Variants in ARID5B observed in about 807,000 individuals in gnomAD.
The protein encoded by ARID5B is AT-rich interaction domain 5B.
In ARID5B, 13 loss-of-function variants were observed where a neutral mutation model predicts 97.2. The observed-to-expected ratio is 0.13, with a 90% CI of 0.09 to 0.21. The LOEUF (loss-of-function observed/expected upper bound fraction) is 0.21, where lower values mean the gene tolerates loss of function less well. ARID5B is among the 10% of genes least tolerant of loss of function. The pLI is 1.00. For synonymous variants in ARID5B, 556 were observed against 570.3 expected (o/e 0.97, Z 0.36); for missense variants, 1,210 against 1,465.3 (o/e 0.83, Z 2.84).
chr10:61,974,196 C>A (rs1448615694), intron 3 of ARID5B, among the ~76,000 whole-genome samples: 2 of 152,188 alleles, frequency 1.3e-5, no homozygotes, highest in Admixed American at 1.3e-4. Flanking sequence ...TTCCGCAAGA[C>A]AATGAGCATT....
At chr10:61,968,708 A>C (rs1199540750) in intron 3 of ARID5B, among the ~76,000 whole-genome samples, 1 of 152,152 alleles carries the variant, frequency 6.6e-6, no homozygotes, top group African/African-American at 2.4e-5. Context: ...AAATATGTGG[A>C]TAGGTTTGCT....
In ARID5B at chr10:62,091,985, A is replaced by G. The variant is rs1447253513; in HGVS notation, c.2522A>G (p.Tyr841Cys). 1.9e-6 allele frequency: 3 copies of G among 1,613,976 alleles called. No individual in the cohort carries two copies. The highest frequency in any genetic ancestry group is 1.6e-4 in the Middle Eastern group (1 of 6,062). The change falls in exon 10 of 10, where the codon TAC becomes TGC. Residue 841 changes from tyrosine (Y) to cysteine (C), a missense_variant. Physicochemically the swap from Tyr to Cys is radical, Grantham distance 194 (BLOSUM62 -2). Coordinates refer to ENST00000279873, the MANE Select transcript of ARID5B (RefSeq NM_032199.3). ...TCGTCCCCTCATCTCCATAGCCTCTACAGACACACCGAGCACCATCTTCAT... is the reference window on the plus strand; with the variant it reads ...TCGTCCCCTCATCTCCATAGCCTCTGCAGACACACCGAGCACCATCTTCAT... ...FYSSPHLHSL[Y>C]RHTEHHLHNE...
chr10:62,087,246 C>G (rs1263546205), intron 9 of ARID5B, among the ~76,000 whole-genome samples: 1 of 126,038 alleles, frequency 7.9e-6, no homozygotes, highest in African/African-American at 3.0e-5. Context: ...TTGCAGTGAG[C>G]CGAGATCAGG....
At chr10:61,935,970 T>C (rs956183158) in intron 2 of ARID5B, among the ~76,000 whole-genome samples, 6 of 152,178 alleles carry the variant, frequency 3.9e-5, no homozygotes, top group Non-Finnish European at 4.4e-5. Flanking sequence ...CTACTATATA[T>C]ACACTTGAAA....
At chr10:62,072,513 G>A (rs1339365313) in intron 8 of ARID5B, among the ~76,000 whole-genome samples, 2 of 152,148 alleles carry the variant, frequency 1.3e-5, no homozygotes, top group Non-Finnish European at 2.9e-5. Context: ...AAGACAATAG[G>A]CCATCCGCCA....
Position 62,061,004 on chromosome 10 carries a change from AATAGTATTT to A in ARID5B, c.1101+1712_1101+1720del, listed in dbSNP as rs1473861965. Among the ~76,000 whole-genome samples, 144 of 152,336 alleles carry A rather than the reference AATAGTATTT, an allele frequency of 9.5e-4. 2 individuals are homozygous for A. Among genetic ancestry groups the A allele is most frequent in the African/African-American group, 3.3e-3 (136 of 41,582 alleles). On this transcript the variant is annotated intron_variant, in intron 7 of 9. Coordinates refer to ENST00000279873, the MANE Select transcript of ARID5B (RefSeq NM_032199.3). ...GGGCATTTGCAGTACTCTTTGAACA[AATAGTATTT>A]ATCCTTTTGTTGGATGAATGAATGA...
At chr10:62,013,547 G>A (rs910328850) in intron 4 of ARID5B, among the ~76,000 whole-genome samples, 2 of 151,862 alleles carry the variant, frequency 1.3e-5, no homozygotes, top group African/African-American at 4.8e-5. Context: ...TTATGTAACT[G>A]AAATTATGTA....
intron 4 of ARID5B, among the ~76,000 whole-genome samples, chr10:62,027,271 C>CCTCA (rs2132899330): frequency 7.7e-6 from 1 of 130,016 alleles, no homozygotes; most frequent in African/African-American, 2.8e-5. Flanking sequence ...GATGCATTAG[C>CCTCA]CTCACAGTAT....
At chr10:61,956,561 C>T (rs1838394244) in intron 3 of ARID5B, among the ~76,000 whole-genome samples, 1 of 152,150 alleles carries the variant, frequency 6.6e-6, no homozygotes, top group Non-Finnish European at 1.5e-5. Context: ...AGTTTCCAGG[C>T]CTCCTCAGCA....
intron 3 of ARID5B, among the ~76,000 whole-genome samples, chr10:61,992,001 C>T (rs551767730): frequency 1.4e-4 from 22 of 151,796 alleles, no homozygotes; most frequent in African/African-American, 5.3e-4. Flanking sequence ...TATGGCACTC[C>T]AGCCTGGGCA....
intron 3 of ARID5B, among the ~76,000 whole-genome samples, chr10:61,982,630 C>A (rs1838792208): frequency 6.6e-6 from 1 of 152,152 alleles, no homozygotes; most frequent in Non-Finnish European, 1.5e-5. Flanking sequence ...CGTCCTAGCC[C>A]AAGATATCAT....
intron 2 of ARID5B, among the ~76,000 whole-genome samples, chr10:61,914,864 G>C (rs117270944): frequency 0.034 from 5,102 of 152,282 alleles, 118 homozygotes; most frequent in Middle Eastern, 0.058. Context: ...ACTTGCCCAA[G>C]GTCACACATA....
At chr10:62,067,998 T>A (rs1840015899) in intron 7 of ARID5B, among the ~76,000 whole-genome samples, 1 of 152,134 alleles carries the variant, frequency 6.6e-6, no homozygotes, top group African/African-American at 2.4e-5. Context: ...CTCATCTGAG[T>A]GAGGGGAATC....
At chr10:61,992,286 C>T (rs78577102) in intron 3 of ARID5B, among the ~76,000 whole-genome samples, 4 of 152,252 alleles carry the variant, frequency 2.6e-5, no homozygotes, top group Non-Finnish European at 4.4e-5. Flanking sequence ...GGCTCCCGGT[C>T]GTGGCTTAGA....
chr10:62,050,769 A>C, intron 4 of ARID5B, 119 bp from the exon 5 acceptor site: 1 of 815,974 alleles, frequency 1.2e-6, no homozygotes, highest in Non-Finnish European at 2.0e-6. Context: ...GCTGCCTGCC[A>C]CAGATCTGTA....
At chr10:62,028,600 C>A (rs1240856795) in intron 4 of ARID5B, among the ~76,000 whole-genome samples, 1 of 152,156 alleles carries the variant, frequency 6.6e-6, no homozygotes, top group African/African-American at 2.4e-5. Flanking sequence ...AATTGACAAT[C>A]ATGATACTAC....
At chr10:61,924,471 C>A (rs968842253) in intron 2 of ARID5B, among the ~76,000 whole-genome samples, 1 of 152,120 alleles carries the variant, frequency 6.6e-6, no homozygotes, top group Non-Finnish European at 1.5e-5. Flanking sequence ...ATACAAAGTC[C>A]GTTTAAGTAA....
intron 9 of ARID5B, among the ~76,000 whole-genome samples, chr10:62,090,534 T>C (rs934854463): frequency 1.3e-5 from 2 of 152,244 alleles, no homozygotes; most frequent in African/African-American, 4.8e-5. Context: ...ATTGACTGAT[T>C]TGACAAGAAG....
chr10:62,069,009 A>G (rs1240979642), intron 7 of ARID5B, among the ~76,000 whole-genome samples: 1 of 152,236 alleles, frequency 6.6e-6, no homozygotes, highest in Non-Finnish European at 1.5e-5. Context: ...GATTTGATCA[A>G]TATCCCATTT....
Sources: gnomAD v4.1 joint callset for allele counts (sites outside exome capture counted in the v4.1 genomes callset) on GRCh38, gnomAD v4.1.1 for gene constraint, MANE v1.5 for transcripts, NCBI Gene and HGNC (gene_info 2026-07-23, HGNC 2026-07-21) for gene names.